The following ZNF423 variants were observed in gnomAD, a reference collection of about 807,000 sequenced individuals.
The protein encoded by ZNF423 is zinc finger protein 423.
ZNF423 carries 12 observed loss-of-function variants against 95.8 expected under a neutral mutation model. The observed-to-expected ratio is 0.13, with a 90% CI of 0.08 to 0.20. The LOEUF (loss-of-function observed/expected upper bound fraction) is 0.20, where lower values mean the gene tolerates loss of function less well. Among genes scored for constraint, ZNF423 ranks in the 10% least tolerant of loss-of-function variants. ZNF423 has a pLI of 1.00. For missense variants in ZNF423, 1,316 were observed against 1,737.1 expected (o/e 0.76, Z 4.31); for synonymous variants, 749 against 711.9 (o/e 1.05, Z -0.83).
intron 5 of ZNF423, among the ~76,000 whole-genome samples, chr16:49,599,852 G>A (rs1238202412): frequency 1.3e-5 from 2 of 152,196 alleles, no homozygotes; most frequent in African/African-American, 4.8e-5. Flanking sequence ...ATTGCCTTTG[G>A]TAGGGGTACA....
chr16:49,669,325 G>A (rs549190027), intron 3 of ZNF423, among the ~76,000 whole-genome samples: 63 of 148,460 alleles, frequency 4.2e-4, no homozygotes, highest in African/African-American at 1.3e-3. Flanking sequence ...GCGAAACTCC[G>A]TCTCAAAAAA....
intron 6 of ZNF423, 49 bp downstream of exon 6, chr16:49,525,314 C>G (rs1331818486): frequency 1.2e-6 from 2 of 1,605,286 alleles, no homozygotes; most frequent in Admixed American, 1.7e-5. Flanking sequence ...CAGGGCAGGG[C>G]TCCTGTGTTC....
At chr16:49,678,401 T>A (rs1428667819) in intron 3 of ZNF423, among the ~76,000 whole-genome samples, 1 of 152,174 alleles carries the variant, frequency 6.6e-6, no homozygotes, top group East Asian at 1.9e-4. Context: ...GTTCGAGCTC[T>A]GTATCAGGCA....
chr16:49,827,561 G>C (rs1157011015), intron 1 of ZNF423, among the ~76,000 whole-genome samples: 1 of 151,956 alleles, frequency 6.6e-6, no homozygotes, highest in Non-Finnish European at 1.5e-5. Context: ...TATCTCCCAG[G>C]CTGGAGTGTA....
intron 2 of ZNF423, among the ~76,000 whole-genome samples, chr16:49,783,649 C>T (rs1276127513): frequency 6.7e-6 from 1 of 149,014 alleles, no homozygotes; most frequent in South Asian, 2.2e-4. Context: ...AGGGTTAGGG[C>T]TAGTGCCAGG....
intron 5 of ZNF423, among the ~76,000 whole-genome samples, chr16:49,559,178 G>A (rs983521065): frequency 6.6e-6 from 1 of 152,252 alleles, no homozygotes; most frequent in Non-Finnish European, 1.5e-5. Context: ...CAGAGAAAGC[G>A]AGTCCCAGAG....
intron 1 of ZNF423, among the ~76,000 whole-genome samples, chr16:49,805,263 C>CA (rs1181226915): frequency 1.3e-5 from 2 of 152,160 alleles, no homozygotes; most frequent in African/African-American, 4.8e-5. Context: ...CACTTGGCAG[C>CA]AGACTGTGCA....
intron 3 of ZNF423, among the ~76,000 whole-genome samples, chr16:49,699,507 G>T (rs975528379): frequency 2.7e-5 from 4 of 149,814 alleles, no homozygotes; most frequent in African/African-American, 9.8e-5. Flanking sequence ...CCCTGCCCCC[G>T]TTCTTCCCTG....
At chr16:49,650,540 G>A (rs1217103702) in intron 3 of ZNF423, among the ~76,000 whole-genome samples, 1 of 152,158 alleles carries the variant, frequency 6.6e-6, no homozygotes, top group Non-Finnish European at 1.5e-5. Context: ...TTATCCATTT[G>A]ACATCTGGAG....
intron 2 of ZNF423, among the ~76,000 whole-genome samples, chr16:49,742,597 GT>G (rs1360195003): frequency 1.3e-5 from 2 of 152,092 alleles, no homozygotes; most frequent in African/African-American, 4.8e-5. Flanking sequence ...TTGCTGTCAT[GT>G]TTTGTCTCTG....
chr16:49,551,856 T>G (rs1597091436), intron 5 of ZNF423, among the ~76,000 whole-genome samples: 1 of 152,076 alleles, frequency 6.6e-6, no homozygotes, highest in South Asian at 2.1e-4. Context: ...GAAGTCAAGG[T>G]GTTTGGACAC....
At chr16:49,686,130 T>TC (rs1231657487) in intron 3 of ZNF423, among the ~76,000 whole-genome samples, 1 of 152,098 alleles carries the variant, frequency 6.6e-6, no homozygotes, top group African/African-American at 2.4e-5. Flanking sequence ...GCTGTCCTTC[T>TC]CCCCCACAGA....
chr16:49,839,832 CA>C (rs1319099031), intron 1 of ZNF423, among the ~76,000 whole-genome samples: 1 of 152,206 alleles, frequency 6.6e-6, no homozygotes, highest in African/African-American at 2.4e-5. Flanking sequence ...GCATCAACCA[CA>C]AAGACCTCCA....
chr16:49,555,629 T>TA (rs1969795264), intron 5 of ZNF423, among the ~76,000 whole-genome samples: 2 of 152,274 alleles, frequency 1.3e-5, no homozygotes, highest in South Asian at 4.2e-4. Context: ...TATGAACAGA[T>TA]AGATGGATAG....
chr16:49,554,292 G>A (rs552593608), intron 5 of ZNF423, among the ~76,000 whole-genome samples: 2 of 152,140 alleles, frequency 1.3e-5, no homozygotes, highest in Admixed American at 6.5e-5. Flanking sequence ...GCAGCCCAGG[G>A]AGCAAGTGCA....
chr16:49,692,748 G>A (rs1180407971), intron 3 of ZNF423, among the ~76,000 whole-genome samples: 1 of 152,210 alleles, frequency 6.6e-6, no homozygotes, highest in African/African-American at 2.4e-5. Context: ...GGCCACTTTC[G>A]AGTTTTTAAC....
At chr16:49,786,258 G>A (rs1438535824) in intron 2 of ZNF423, among the ~76,000 whole-genome samples, 2 of 152,240 alleles carry the variant, frequency 1.3e-5, no homozygotes, top group African/African-American at 2.4e-5. Flanking sequence ...GGCACGGAAG[G>A]AGCAAGCCTG....
At chr16:49,687,599 A>T (rs2031614150) in intron 3 of ZNF423, among the ~76,000 whole-genome samples, 1 of 152,236 alleles carries the variant, frequency 6.6e-6, no homozygotes. Flanking sequence ...GGAACAATGA[A>T]AATAGCTGCC....
At chr16:49,794,021 G>GTCTCTCTC (rs5816660) in intron 1 of ZNF423, among the ~76,000 whole-genome samples, 1 of 148,552 alleles carries the variant, frequency 6.7e-6, no homozygotes, top group Non-Finnish European at 1.5e-5. Flanking sequence ...GTCTGTCTCT[G>GTCTCTCTC]TCTCTCTCTC....
Sources: gnomAD v4.1 joint callset for allele counts (sites outside exome capture counted in the v4.1 genomes callset) on GRCh38, gnomAD v4.1.1 for gene constraint, MANE v1.5 for transcripts, NCBI Gene and HGNC (gene_info 2026-07-23, HGNC 2026-07-21) for gene names.